STEAP1B: variants seen among roughly 807,000 people sequenced by gnomAD.
STEAP1B encodes the protein STEAP family protein MGC87042.
In STEAP1B, 13 loss-of-function variants were observed where a neutral mutation model predicts 27.9. The ratio of observed to expected loss-of-function variants is 0.47; its 90% confidence interval spans 0.30 to 0.74. The LOEUF is 0.74. STEAP1B is among the 30% of genes least tolerant of loss of function. STEAP1B has a pLI of 0.06. For synonymous variants in STEAP1B, 86 were observed against 107.1 expected (o/e 0.80, Z 1.22); for missense variants, 250 against 298.7 (o/e 0.84, Z 1.20).
rs189864703 is a variant in STEAP1B at position 22,450,664 on chromosome 7, T to C, written c.763-30828A>G. Among the ~76,000 whole-genome samples the C allele has an allele frequency of 1.4e-3, 205 of 151,730 alleles. 2 individuals are homozygous for C. The South Asian group carries it at 0.016, about 12-fold the overall frequency. On this transcript the variant is annotated intron_variant, in intron 4 of 4. Transcript: ENST00000678116. ...TTTTGTGGTTCCATATAAATTTTAGTTTATTTCTATTTCTGTGAAGAATGT... is the reference window on the plus strand; with the variant it reads ...TTTTGTGGTTCCATATAAATTTTAGCTTATTTCTATTTCTGTGAAGAATGT...
intron 4 of STEAP1B, among the ~76,000 whole-genome samples, chr7:22,490,159 T>C (rs1583354574): frequency 7.0e-6 from 1 of 142,188 alleles, no homozygotes; most frequent in East Asian, 1.9e-4. Context: ...TTAGTGATTT[T>C]ATTTTATTTT....
chr7:22,430,067 C>G (rs1487950095), intron 4 of STEAP1B, among the ~76,000 whole-genome samples: 1 of 152,208 alleles, frequency 6.6e-6, no homozygotes, highest in Non-Finnish European at 1.5e-5. Flanking sequence ...GTGTGTAGCA[C>G]TTCTTAAACT....
At chr7:22,494,429 CTT>C (rs5882846) in intron 2 of STEAP1B, among the ~76,000 whole-genome samples, 9 of 145,754 alleles carry the variant, frequency 6.2e-5, no homozygotes, top group African/African-American at 5.0e-5. Flanking sequence ...GCATTGATGA[CTT>C]TTTTTTTTTT....
chr7:22,429,450 T>C (rs1785150957), intron 4 of STEAP1B, among the ~76,000 whole-genome samples: 1 of 152,216 alleles, frequency 6.6e-6, no homozygotes, highest in Non-Finnish European at 1.5e-5. Context: ...TAATCTTCTA[T>C]TATCCACAGG....
At chr7:22,479,192 G>A (rs1193874131) in intron 4 of STEAP1B, among the ~76,000 whole-genome samples, 1 of 152,180 alleles carries the variant, frequency 6.6e-6, no homozygotes, top group African/African-American at 2.4e-5. Context: ...TAAGTCCTGG[G>A]GCTTGCTGGG....
chr7:22,467,244 G>A (rs184775358), intron 4 of STEAP1B, among the ~76,000 whole-genome samples: 83 of 152,240 alleles, frequency 5.5e-4, no homozygotes, highest in African/African-American at 1.8e-3. Context: ...AAACTCTCAG[G>A]AAATTCCCAA....
intron 4 of STEAP1B, among the ~76,000 whole-genome samples, chr7:22,491,866 T>C (rs918899941): frequency 2.6e-5 from 4 of 152,176 alleles, no homozygotes; most frequent in African/African-American, 9.7e-5. Context: ...AGCTATGTTC[T>C]GTTTGAAAAG....
intron 2 of STEAP1B, 68 bp downstream of exon 2, chr7:22,494,704 C>G (rs1288267580): frequency 8.6e-7 from 1 of 1,162,082 alleles, no homozygotes; most frequent in East Asian, 2.7e-5. Flanking sequence ...CTAGGAGATA[C>G]AGAATGTCAT....
intron 4 of STEAP1B, among the ~76,000 whole-genome samples, chr7:22,427,570 G>C (rs1785124841): frequency 6.6e-6 from 1 of 152,148 alleles, no homozygotes; most frequent in Non-Finnish European, 1.5e-5. Flanking sequence ...TACAGTTGGA[G>C]ATACAATTAT....
At chr7:22,479,047 G>A (rs1786021647) in intron 4 of STEAP1B, among the ~76,000 whole-genome samples, 6 of 152,176 alleles carry the variant, frequency 3.9e-5, no homozygotes, top group Admixed American at 3.9e-4. Context: ...GAGGCTGCCT[G>A]CCAAAGCACC....
At chr7:22,461,450 A>G (rs1562575330) in intron 4 of STEAP1B, among the ~76,000 whole-genome samples, 1 of 151,998 alleles carries the variant, frequency 6.6e-6, no homozygotes, top group East Asian at 1.9e-4. Flanking sequence ...TTTAGTAGAG[A>G]GGGGGTTTCA....
At chr7:22,455,676 T>A (rs1460524528) in intron 4 of STEAP1B, among the ~76,000 whole-genome samples, 2 of 152,230 alleles carry the variant, frequency 1.3e-5, no homozygotes, top group Non-Finnish European at 2.9e-5. Context: ...CTATGCTACC[T>A]TAACAAATAC....
intron 4 of STEAP1B, among the ~76,000 whole-genome samples, chr7:22,454,866 T>TGTATATATATA (rs58504014): frequency 0.15 from 8,517 of 56,340 alleles, 356 homozygotes; most frequent in East Asian, 0.25. Flanking sequence ...TATATATATA[T>TGTATATATATA]TTTTTTTTTT....
chr7:22,481,729 G>A (rs1462132952), intron 4 of STEAP1B, among the ~76,000 whole-genome samples: 2 of 152,222 alleles, frequency 1.3e-5, no homozygotes, highest in Non-Finnish European at 2.9e-5. Context: ...ACATTTCAGT[G>A]CACTTAGAGG....
chr7:22,435,677 G>C (rs1285695849), intron 4 of STEAP1B, among the ~76,000 whole-genome samples: 1 of 152,196 alleles, frequency 6.6e-6, no homozygotes, highest in Non-Finnish European at 1.5e-5. Flanking sequence ...ATTCAGTAAA[G>C]CACTCAATTG....
intron 4 of STEAP1B, among the ~76,000 whole-genome samples, chr7:22,437,769 A>T (rs1037900953): frequency 6.6e-6 from 1 of 152,062 alleles, no homozygotes; most frequent in African/African-American, 2.4e-5. Flanking sequence ...AACACTTCTT[A>T]TTTGCTTTTT....
chr7:22,455,856 G>A (rs1469217604), intron 4 of STEAP1B, among the ~76,000 whole-genome samples: 1 of 152,144 alleles, frequency 6.6e-6, no homozygotes, highest in Non-Finnish European at 1.5e-5. Flanking sequence ...AGTATTTCAA[G>A]AATCTTCCTG....
intron 4 of STEAP1B, among the ~76,000 whole-genome samples, chr7:22,487,804 CAAAAAA>C (rs200447382): frequency 3.7e-5 from 3 of 81,382 alleles, no homozygotes; most frequent in East Asian, 2.8e-4. Context: ...AAACTCCACC[CAAAAAA>C]AAAAAAAAAA....
At chr7:22,474,902 C>G (rs747889260) in intron 4 of STEAP1B, among the ~76,000 whole-genome samples, 2 of 152,180 alleles carry the variant, frequency 1.3e-5, no homozygotes, top group Non-Finnish European at 2.9e-5. Flanking sequence ...CATTTGCCCA[C>G]AGAAAGCTCA....
Sources: allele counts gnomAD v4.1 joint callset (sites outside exome capture counted in the v4.1 genomes callset), GRCh38; gene constraint gnomAD v4.1.1; transcripts MANE v1.5; gene names NCBI Gene and HGNC (gene_info 2026-07-23, HGNC 2026-07-21).